Variants in KIF3A observed in about 807,000 individuals in gnomAD.
The protein encoded by KIF3A is kinesin family member 3A.
KIF3A carries 27 observed loss-of-function variants against 92.6 expected under a neutral mutation model. The ratio of observed to expected loss-of-function variants is 0.29; its 90% CI spans 0.21 to 0.40. The LOEUF is 0.40. Ranked by LOEUF, KIF3A falls within the 10% of genes least tolerant of loss-of-function variation. The pLI is 1.00. For missense variants in KIF3A, 581 were observed against 872.6 expected, an observed-to-expected ratio of 0.67 and a Z score of 4.21; for synonymous variants, 250 against 275.4, an observed-to-expected ratio of 0.91 and a Z score of 0.92.
Position 132,696,459 on chromosome 5 carries a change from A to G in KIF3A, c.*175T>C. 1 of 554,218 alleles carries G rather than the reference A, an allele frequency of 1.8e-6. No homozygotes were observed. The highest frequency in any genetic ancestry group is 3.3e-6 in the Non-Finnish European group (1 of 304,902). The allele number at this position is 554,218 out of a possible 1,614,324, so 34.3% of individuals were successfully genotyped here. Reference sequence around the variant, plus strand: ...TCACCAGTTGTACAATTTTAATGTTATATTAATATATGTAGACTAAAAGTT... The same window carrying G: ...TCACCAGTTGTACAATTTTAATGTTGTATTAATATATGTAGACTAAAAGTT... On this transcript the variant is annotated 3_prime_UTR_variant, in exon 19 of 19. Transcript: ENST00000403231.
chr5:132,728,426 T>C (rs1211890178), intron 2 of KIF3A, among the ~76,000 whole-genome samples: 1 of 152,170 alleles, frequency 6.6e-6, no homozygotes, highest in Non-Finnish European at 1.5e-5. Flanking sequence ...TTTATTATTA[T>C]TACTATTATT....
chr5:132,699,945 C>A (rs1468788033), intron 17 of KIF3A, among the ~76,000 whole-genome samples: 5 of 152,104 alleles, frequency 3.3e-5, no homozygotes, highest in African/African-American at 1.2e-4. Context: ...CATAATCCTA[C>A]GACCCAGAGT....
intron 4 of KIF3A, 149 bp downstream of exon 4, chr5:132,725,979 A>C (rs910483780): frequency 8.2e-6 from 4 of 489,916 alleles, no homozygotes; most frequent in African/African-American, 6.0e-5. Flanking sequence ...TTATCCCCAG[A>C]TATGTCTGCA....
intron 8 of KIF3A, among the ~76,000 whole-genome samples, chr5:132,713,728 T>C (rs952418538): frequency 7.9e-5 from 12 of 152,050 alleles, no homozygotes; most frequent in African/African-American, 2.7e-4. Flanking sequence ...CAACTGTCCA[T>C]TGGTGGATGA....
rs924104279 is a variant in KIF3A at position 132,709,065 on chromosome 5, C to T, written c.1229-87G>A. 11 of 1,080,322 alleles carry T rather than the reference C, an allele frequency of 1.0e-5. No individual in the cohort carries two copies. In the African/African-American group the frequency reaches 1.8e-4, roughly 17 times the overall value. The allele number at this position is 1,080,322 out of a possible 1,614,324, so 66.9% of individuals were successfully genotyped here. ...CACACACAGAGAAAAATTCAGTTTT[C>T]AGAGAAAAAAATTTTAAAGGACAAT... On this transcript the variant is annotated intron_variant, in intron 9 of 18. Transcript: ENST00000403231.
At position 132,726,432 on chromosome 5, in the gene KIF3A, A is replaced by G. The variant is rs746930255; in HGVS notation, c.347T>C (p.Ile116Thr). ...KTFTMEGVRA[I>T]PELRGIIPNS... ...GGGAATTATTCCTCTAAGTTCAGGA[A>G]TAGCTCGAACACCTTCCATGGTAAA... The change falls in exon 3 of 19, where the codon ATT becomes ACT. Residue 116 changes from isoleucine to threonine, a missense_variant. This residue lies in a region of KIF3A where 217 missense variants were observed against 299.7 expected (regional missense o/e 0.72). Transcript: ENST00000403231. 1.2e-6 allele frequency: 2 copies of G among 1,613,788 alleles called. No homozygotes were observed. The highest frequency in any genetic ancestry group is 1.7e-6 in the Non-Finnish European group (2 of 1,179,714).
chr5:132,703,956 T>A (rs148339893), intron 11 of KIF3A, among the ~76,000 whole-genome samples: 1 of 151,686 alleles, frequency 6.6e-6, no homozygotes, highest in Admixed American at 6.6e-5. Flanking sequence ...AGATAACAAA[T>A]ATAGGTTAAA....
At chr5:132,691,086 T>A (rs907121935), downstream of KIF3A, among the ~76,000 whole-genome samples, 1 of 152,196 alleles carries the variant, frequency 6.6e-6, no homozygotes, top group Non-Finnish European at 1.5e-5. Flanking sequence ...AGTAATGTTA[T>A]TGTCTTGGAG....
intron 15 of KIF3A, among the ~76,000 whole-genome samples, chr5:132,701,456 A>C (rs576748645): frequency 2.2e-5 from 3 of 137,638 alleles, no homozygotes; most frequent in African/African-American, 8.4e-5. Flanking sequence ...CCGAGATTGC[A>C]CCACTGCACT....
At chr5:132,712,848 C>T (rs1380933416) in intron 8 of KIF3A, among the ~76,000 whole-genome samples, 4 of 152,150 alleles carry the variant, frequency 2.6e-5, no homozygotes, top group Admixed American at 2.6e-4. Context: ...AACAAGTGTG[C>T]TAGACATCGT....
downstream of KIF3A, chr5:132,692,322 G>C (rs1039835561): frequency 6.6e-6 from 1 of 152,196 alleles, no homozygotes; most frequent in Non-Finnish European, 1.5e-5. Flanking sequence ...ATTGGGTATT[G>C]GGCTTAATAC....
downstream of KIF3A, chr5:132,692,407 C>T (rs181213736): frequency 1.6e-4 from 24 of 152,252 alleles, no homozygotes; most frequent in African/African-American, 5.1e-4. Context: ...TCACATGTAC[C>T]GCCAAACCTA....
chr5:132,700,183 T>G, intron 17 of KIF3A, 33 bp downstream of exon 17: 1 of 1,148,350 alleles, frequency 8.7e-7, no homozygotes, highest in Non-Finnish European at 1.3e-6. Flanking sequence ...AGTAGTTTTG[T>G]GTTTTGTTTT....
intron 2 of KIF3A, among the ~76,000 whole-genome samples, chr5:132,731,415 G>A (rs1754226827): frequency 2.0e-5 from 3 of 152,058 alleles, no homozygotes; most frequent in Admixed American, 1.3e-4. Context: ...TTCAATAGGT[G>A]CAGAAAAAAA....
Position 132,699,199 on chromosome 5 carries a change from C to A in KIF3A, c.2104G>T (p.Gly702Trp). The change falls in exon 18 of 19, where the codon GGG becomes TGG. Residue 702 changes from glycine to tryptophan, a missense_variant. This residue lies in a region of KIF3A where 112 missense variants were observed against 144.3 expected (regional missense o/e 0.78). Transcript: ENST00000403231. ...CTCCCTGTCTTTGGCCTTGCTTTCCCCTTTGAAGTTCGTGGTCTTTCTAGT... is the reference window on the plus strand; with the variant it reads ...CTCCCTGTCTTTGGCCTTGCTTTCCACTTTGAAGTTCGTGGTCTTTCTAGT... ...MKLERPRTSKGKARPKTGRRK... is the reference protein window; with the variant it reads ...MKLERPRTSKWKARPKTGRRK... The A allele has an allele frequency of 6.2e-7, 1 of 1,614,054 alleles. No homozygotes were observed. The highest frequency in any genetic ancestry group is 8.5e-7 in the Non-Finnish European group (1 of 1,179,946).
intron 2 of KIF3A, among the ~76,000 whole-genome samples, chr5:132,730,728 G>A (rs892964076): frequency 3.3e-5 from 5 of 151,488 alleles, no homozygotes; most frequent in African/African-American, 9.7e-5. Flanking sequence ...CCGGGAGGTA[G>A]ACGCTAAGTG....
chr5:132,727,654 G>A (rs956289928), intron 2 of KIF3A, among the ~76,000 whole-genome samples: 2 of 152,142 alleles, frequency 1.3e-5, no homozygotes, highest in Admixed American at 1.3e-4. Context: ...AAACTTTTTA[G>A]ACCTTATCCT....
chr5:132,700,726 A>C (rs369323108), intron 15 of KIF3A, 26 bp from the exon 16 acceptor site: 1 of 1,419,980 alleles, frequency 7.0e-7, no homozygotes, highest in South Asian at 1.2e-5. Context: ...AAGATAGCCT[A>C]TTTTTAATAT....
At chr5:132,735,990 T>C (rs889528914) in intron 1 of KIF3A, among the ~76,000 whole-genome samples, 2 of 152,224 alleles carry the variant, frequency 1.3e-5, no homozygotes, top group African/African-American at 4.8e-5. Context: ...AGAACCATCT[T>C]CAATCCCCTC....
Sources: allele counts gnomAD v4.1 joint callset (sites outside exome capture counted in the v4.1 genomes callset), GRCh38; gene constraint gnomAD v4.1.1; regional missense constraint gnomAD v4.1.1; transcripts MANE v1.5; gene names NCBI Gene and HGNC (gene_info 2026-07-23, HGNC 2026-07-21).